RABGAP1L: variants seen among roughly 807,000 people sequenced by gnomAD.
The protein encoded by RABGAP1L is RAB GTPase activating protein 1 like.
Under a neutral mutation model 137.7 loss-of-function variants are expected in RABGAP1L, and 63 were observed. That is an observed-to-expected ratio of 0.46 (90% CI 0.37 to 0.56). The LOEUF is 0.56. RABGAP1L is among the 20% of genes least tolerant of loss of function. RABGAP1L has a pLI of 0.00. For synonymous variants in RABGAP1L, 431 were observed against 433.7 expected, an observed-to-expected ratio of 0.99 and a Z score of 0.08; for missense variants, 1,095 against 1,244.0, an observed-to-expected ratio of 0.88 and a Z score of 1.80.
intron 18 of RABGAP1L, chr1:174,757,165 C>T (rs1684832568): frequency 8.1e-6 from 3 of 372,242 alleles, no homozygotes; most frequent in Non-Finnish European, 1.6e-5. Context: ...AATGGTTCCT[C>T]CTGCCACCTG....
intron 13 of RABGAP1L, among the ~76,000 whole-genome samples, chr1:174,635,933 CT>C (rs1180000018): frequency 1.3e-5 from 2 of 152,102 alleles, no homozygotes. Context: ...ATATATTAAA[CT>C]TTTTTTCTTT....
rs1337454544 is a variant in RABGAP1L, at chr1:174,448,778, T to TA, written c.1710+54634dup. 1 of 1,613,748 alleles carries TA rather than the reference T, an allele frequency of 6.2e-7. No individual in the cohort carries two copies. The highest frequency in any genetic ancestry group is 8.5e-7 in the Non-Finnish European group (1 of 1,179,790). ...TGCTGCCTTTGTTGTCTGCTTCACT[T>TA]ACTTCCACATTTTCAAAATTTGCCG... On this transcript the variant is annotated intron_variant, in intron 13 of 25. Transcript: ENST00000681986. This position sits in a 1 kb window ranked among gnomAD's most constrained non-coding sequence, Gnocchi z 4.2.
At chr1:174,559,004 A>G (rs1163129497) in intron 13 of RABGAP1L, among the ~76,000 whole-genome samples, 3 of 152,218 alleles carry the variant, frequency 2.0e-5, no homozygotes, top group Admixed American at 6.5e-5. Flanking sequence ...TTGTCAGAGT[A>G]AGTTAAAATG....
chr1:174,830,647 T>C (rs1035918540), intron 19 of RABGAP1L, among the ~76,000 whole-genome samples: 3 of 147,412 alleles, frequency 2.0e-5, no homozygotes, highest in Admixed American at 6.8e-5. Context: ...TGGCCAATTT[T>C]TGTATTTTTA....
intron 15 of RABGAP1L, among the ~76,000 whole-genome samples, chr1:174,694,466 T>TG (rs1679104297): frequency 6.6e-6 from 1 of 151,948 alleles, no homozygotes; most frequent in Non-Finnish European, 1.5e-5. Flanking sequence ...TTTTTGTTCT[T>TG]GCGATAGTTT....
chr1:174,876,390 T>G (rs1483256765), intron 19 of RABGAP1L, among the ~76,000 whole-genome samples: 1 of 152,204 alleles, frequency 6.6e-6, no homozygotes, highest in Non-Finnish European at 1.5e-5. Flanking sequence ...GATACTAGCT[T>G]AATTAGGAAT....
At position 174,995,142 on chromosome 1, in the gene RABGAP1L, A is replaced by G. The variant is rs1672290399; in HGVS notation, c.*5141A>G. 6.6e-6 allele frequency: 1 copy of G among 152,206 alleles called. No homozygotes were observed. The highest frequency in any genetic ancestry group is 2.4e-5 in the African/African-American group (1 of 41,450). 9.4% of individuals were successfully genotyped at this position (152,206 alleles called of 1,614,324 possible). A position where few individuals can be genotyped will look rare whatever the true frequency, so the allele number is the denominator to read the frequency against. ...ACTTTTATAATCGTTATGAACTTGA[A>G]TTGGATTAGTATCTTGTTTTTATGT... On this transcript the variant is annotated 3_prime_UTR_variant, in exon 26 of 26. Coordinates refer to ENST00000681986, the MANE Select transcript of RABGAP1L (RefSeq NM_001366446.1).
intron 13 of RABGAP1L, among the ~76,000 whole-genome samples, chr1:174,574,529 A>T (rs373301395): frequency 1.2e-4 from 19 of 152,144 alleles, no homozygotes; most frequent in African/African-American, 4.6e-4. Flanking sequence ...TTGAAGCTTT[A>T]AACAGAAGGG....
chr1:174,553,729 A>C (rs1666701688), intron 13 of RABGAP1L, among the ~76,000 whole-genome samples: 1 of 152,230 alleles, frequency 6.6e-6, no homozygotes, highest in East Asian at 1.9e-4. Context: ...GGTCAGGCGC[A>C]GTGGCTGATG....
At chr1:174,210,738 A>C (rs1668826136) in intron 1 of RABGAP1L, among the ~76,000 whole-genome samples, 1 of 152,190 alleles carries the variant, frequency 6.6e-6, no homozygotes, top group South Asian at 2.1e-4. Context: ...ATCCAAGTAC[A>C]AGAAGGTTAT....
intron 13 of RABGAP1L, among the ~76,000 whole-genome samples, chr1:174,573,672 G>T (rs1330248229): frequency 8.6e-5 from 13 of 151,778 alleles, no homozygotes; most frequent in East Asian, 1.9e-4. Context: ...TCTGAAATGT[G>T]GTAGATATGT....
chr1:174,589,922 G>A (rs930548951), intron 13 of RABGAP1L, among the ~76,000 whole-genome samples: 4 of 152,016 alleles, frequency 2.6e-5, no homozygotes, highest in African/African-American at 9.7e-5. Context: ...TTTTTGTTTA[G>A]GATGGCTTAG....
chr1:174,840,464 T>C (rs976082303), intron 19 of RABGAP1L, among the ~76,000 whole-genome samples: 4 of 152,010 alleles, frequency 2.6e-5, no homozygotes, highest in Admixed American at 6.5e-5. Context: ...GTTTATGGGA[T>C]AGGATTTGTG....
intron 15 of RABGAP1L, among the ~76,000 whole-genome samples, chr1:174,685,305 T>G: frequency 6.6e-6 from 1 of 152,150 alleles, no homozygotes; most frequent in South Asian, 2.1e-4. Context: ...CAGGCTGGAA[T>G]GCAGTGGCAC....
intron 13 of RABGAP1L, among the ~76,000 whole-genome samples, chr1:174,518,682 C>G (rs1663086146): frequency 6.6e-6 from 1 of 152,150 alleles, no homozygotes; most frequent in Admixed American, 6.5e-5. Flanking sequence ...ATATGAATGG[C>G]ACTTCCTTCA....
chr1:174,187,518 T>A (rs1455369641), intron 1 of RABGAP1L, among the ~76,000 whole-genome samples: 6 of 152,108 alleles, frequency 3.9e-5, no homozygotes, highest in African/African-American at 1.4e-4. Flanking sequence ...CTTAGTCATC[T>A]CATTGATAGC....
At chr1:174,209,569 C>T (rs1015148126) in intron 1 of RABGAP1L, among the ~76,000 whole-genome samples, 1 of 152,156 alleles carries the variant, frequency 6.6e-6, no homozygotes, top group Non-Finnish European at 1.5e-5. Flanking sequence ...AGTGCCAGCT[C>T]ATCTGTAGCA....
chr1:174,361,062 CAGG>C (rs1684098855), intron 11 of RABGAP1L, among the ~76,000 whole-genome samples: 1 of 152,022 alleles, frequency 6.6e-6, no homozygotes, highest in Non-Finnish European at 1.5e-5. Flanking sequence ...GAGGCTGAGG[CAGG>C]AGAATGGCAT....
intron 13 of RABGAP1L, among the ~76,000 whole-genome samples, chr1:174,487,021 A>G (rs1659740259): frequency 2.0e-5 from 3 of 152,236 alleles, no homozygotes; most frequent in South Asian, 4.1e-4. Flanking sequence ...TAATGTTTTA[A>G]GACTTATTTT....
Sources: gnomAD v4.1 joint callset for allele counts (sites outside exome capture counted in the v4.1 genomes callset) on GRCh38, gnomAD v4.1.1 for gene constraint, Gnocchi (gnomAD v3.1) non-coding constraint, MANE v1.5 for transcripts, NCBI Gene and HGNC (gene_info 2026-07-23, HGNC 2026-07-21) for gene names.